The following SEC14L5 variants were observed in gnomAD, a reference collection of about 807,000 sequenced individuals.
SEC14L5 encodes SEC14-like protein 5.
In SEC14L5, 96 loss-of-function variants were observed where a neutral mutation model predicts 84.6. That is an observed-to-expected ratio of 1.13 (90% CI 0.96 to 1.34). SEC14L5 has a LOEUF of 1.34. SEC14L5 is among the 40% of genes most tolerant of loss of function. The pLI is 0.00. For missense variants in SEC14L5, 1,224 were observed against 942.5 expected (o/e 1.30, Z -3.91); for synonymous variants, 546 against 383.4 (o/e 1.42, Z -4.95).
intron 14 of SEC14L5, chr16:5,010,879 T>G: frequency 9.3e-6 from 5 of 535,374 alleles, no homozygotes; most frequent in Non-Finnish European, 6.6e-6. Context: ...CCTCCCCAGA[T>G]TAAGAGGGAG....
At chr16:4,964,949 TCG>T (rs1955178870) in intron 2 of SEC14L5, among the ~76,000 whole-genome samples, 1 of 151,756 alleles carries the variant, frequency 6.6e-6, no homozygotes, top group African/African-American at 2.4e-5. Flanking sequence ...CAGGCTGGTC[TCG>T]AACTCCTGGC....
At chr16:4,959,781 T>C (rs1445821172) in intron 2 of SEC14L5, among the ~76,000 whole-genome samples, 1 of 152,186 alleles carries the variant, frequency 6.6e-6, no homozygotes, top group Non-Finnish European at 1.5e-5. Flanking sequence ...TAACAGATGA[T>C]GTTTCTTCCA....
At chr16:4,978,013 G>C (rs1420244407) in intron 2 of SEC14L5, among the ~76,000 whole-genome samples, 1 of 148,880 alleles carries the variant, frequency 6.7e-6, no homozygotes, top group East Asian at 2.0e-4. Context: ...TGTTGTCCAG[G>C]CTTGTCTTGA....
At position 4,990,911 on chromosome 16, in the gene SEC14L5, C is replaced by T. The variant is rs549135856; in HGVS notation, c.474+16C>T. ...CGTCAAGAGGGTAAGCGGTGGGTTG[C>T]GTTAGTTACTGGAGGAAGGTGCACA... is the stretch of plus-strand genomic sequence containing the variant. On this transcript the variant is annotated intron_variant, in intron 5 of 15. Coordinates refer to ENST00000251170, the MANE Select transcript of SEC14L5 (RefSeq NM_014692.2). 1.6e-5 allele frequency: 25 copies of T among 1,552,264 alleles called. No homozygotes were observed. Among genetic ancestry groups the T allele is most frequent in the South Asian group, 1.1e-4 (9 of 82,686 alleles).
intron 1 of SEC14L5, among the ~76,000 whole-genome samples, chr16:4,958,960 T>C (rs868135381): frequency 2.6e-5 from 4 of 151,482 alleles, no homozygotes; most frequent in African/African-American, 4.8e-5. Flanking sequence ...AGTGTAAGAA[T>C]TGCAAATGTG....
intron 12 of SEC14L5, 91 bp from the exon 13 acceptor site, chr16:5,007,261 G>C: frequency 8.1e-7 from 1 of 1,240,706 alleles, no homozygotes; most frequent in Non-Finnish European, 1.1e-6. Context: ...AATTATGAGT[G>C]GCTTTGGGGG....
chr16:4,984,222 C>G (rs1452241844), intron 2 of SEC14L5, among the ~76,000 whole-genome samples: 1 of 152,210 alleles, frequency 6.6e-6, no homozygotes, highest in Admixed American at 6.5e-5. Context: ...CTGGCAACCA[C>G]TAATCTACTT....
rs1211049839 is a variant in SEC14L5, at chr16:5,003,404, C to G, written c.1133C>G (p.Ser378Cys). 9 of 1,612,428 alleles carry G rather than the reference C, an allele frequency of 5.6e-6. No individual in the cohort carries two copies. Among genetic ancestry groups the G allele is most frequent in the Non-Finnish European group, 7.6e-6 (9 of 1,179,598 alleles). Residue 378 changes from serine (S) to cysteine (C), a missense_variant and splice_region_variant, in exon 11 of 16, where the codon TCC becomes TGC. Transcript: ENST00000251170. ...STRQLGRPIS[S>C]WTCLLDLEGL... ...AGCTGGGGCTATTTCTGCCACAGCT[C>G]CTGGACCTGCCTGCTAGACCTGGAG...
In SEC14L5 at chr16:4,974,357, A is replaced by C. The variant is rs973302008; in HGVS notation, c.64-13200A>C. Reference sequence around the variant, plus strand: ...GCTGGGACCACAGGCACGCACCATCATGCCTGCCTAGTTTTTTATTTTTAT... The same window carrying C: ...GCTGGGACCACAGGCACGCACCATCCTGCCTGCCTAGTTTTTTATTTTTAT... On this transcript the variant is annotated intron_variant, in intron 2 of 15. Coordinates refer to ENST00000251170, the MANE Select transcript of SEC14L5 (RefSeq NM_014692.2). Among the ~76,000 whole-genome samples the C allele has an allele frequency of 3.3e-5, 5 of 151,852 alleles. No individual in the cohort carries two copies. The East Asian group carries it at 7.8e-4, about 24-fold the overall frequency.
rs1238080511 is a variant in SEC14L5, at chr16:4,987,437, C to A, written c.64-120C>A. 4 of 800,926 alleles carry A rather than the reference C, an allele frequency of 5.0e-6. No individual in the cohort carries two copies. The African/African-American group carries it at 5.6e-5, about 11-fold the overall frequency. 49.6% of individuals were successfully genotyped at this position (800,926 alleles called of 1,614,324 possible). ...AATGACGGCAAAATCCCTGCCCCTT[C>A]CAGTGGCCAGGGCTGCCTTTCCCGT... On this transcript the variant is annotated intron_variant, in intron 2 of 15. Coordinates refer to ENST00000251170, the MANE Select transcript of SEC14L5 (RefSeq NM_014692.2).
intron 2 of SEC14L5, among the ~76,000 whole-genome samples, chr16:4,965,954 A>C (rs572995714): frequency 6.6e-6 from 1 of 152,218 alleles, no homozygotes; most frequent in Admixed American, 6.5e-5. Flanking sequence ...AGGCAGGAGG[A>C]TCACTTGAGC....
chr16:5,008,773 A>T, intron 14 of SEC14L5, 125 bp downstream of exon 14: 1 of 797,522 alleles, frequency 1.3e-6, no homozygotes, highest in Non-Finnish European at 2.0e-6. Context: ...GGGACCCTGC[A>T]GGACAGGGCA....
At chr16:5,007,112 C>T (rs543671965) in intron 12 of SEC14L5, among the ~76,000 whole-genome samples, 1 of 152,222 alleles carries the variant, frequency 6.6e-6, no homozygotes, top group Non-Finnish European at 1.5e-5. Flanking sequence ...GCTGTGTGAT[C>T]GTGGGCGAGT....
intron 2 of SEC14L5, among the ~76,000 whole-genome samples, chr16:4,980,046 G>A (rs553729610): frequency 3.3e-5 from 5 of 152,140 alleles, no homozygotes; most frequent in African/African-American, 4.8e-5. Flanking sequence ...AGGCTCATGC[G>A]CCAATCCCAC....
chr16:5,008,925 C>T (rs1249474028), intron 14 of SEC14L5, among the ~76,000 whole-genome samples: 1 of 152,196 alleles, frequency 6.6e-6, no homozygotes, highest in Non-Finnish European at 1.5e-5. Flanking sequence ...ACCTGAGTTT[C>T]CCCATCTGGG....
In SEC14L5 at chr16:5,003,520, G is replaced by C. The variant is rs201237795; in HGVS notation, c.1249G>C (p.Gly417Arg). The C allele has an allele frequency of 5.6e-6, 9 of 1,612,660 alleles. No individual in the cohort carries two copies. The African/African-American group carries it at 1.1e-4, about 19-fold the overall frequency. The change falls in exon 11 of 16, where the codon GGT (glycine) becomes CGT (arginine). Residue 417 changes from glycine (G) to arginine (R), a missense_variant. Coordinates refer to ENST00000251170, the MANE Select transcript of SEC14L5 (RefSeq NM_014692.2). ...TGAGGACAATTACCCAGAGACCCTG[G>C]GTCGGCTGCTCATCGTGCGAGCCCC... ...VVEDNYPETL[G>R]RLLIVRAPRV...
At chr16:4,985,153 T>G (rs1955469744) in intron 2 of SEC14L5, among the ~76,000 whole-genome samples, 1 of 152,138 alleles carries the variant, frequency 6.6e-6, no homozygotes, top group South Asian at 2.1e-4. Flanking sequence ...TTCATAAAGA[T>G]TTATTCATAT....
Position 5,015,052 on chromosome 16 carries a change from C to T in SEC14L5, c.*82C>T. 3 of 1,128,102 alleles carry T rather than the reference C, an allele frequency of 2.7e-6. No individual in the cohort carries two copies. Among genetic ancestry groups the T allele is most frequent in the Non-Finnish European group, 3.9e-6 (3 of 773,528 alleles). 69.9% of individuals were successfully genotyped at this position (1,128,102 alleles called of 1,614,324 possible). A position where few individuals can be genotyped will look rare whatever the true frequency, so the allele number is the denominator to read the frequency against. On this transcript the variant is annotated 3_prime_UTR_variant, in exon 16 of 16. Transcript: ENST00000251170. ...ATGAGAAGCCAGCTAACTGCAGGGC[C>T]TGGGACCATGTGGGCTGGAGCCCCA...
At chr16:4,995,687 T>C (rs988065697) in intron 6 of SEC14L5, among the ~76,000 whole-genome samples, 1 of 149,170 alleles carries the variant, frequency 6.7e-6, no homozygotes, top group African/African-American at 2.5e-5. Flanking sequence ...AGTGCAGTGG[T>C]GCAATCTTGG....
Sources: gnomAD v4.1 joint callset for allele counts (sites outside exome capture counted in the v4.1 genomes callset) on GRCh38, gnomAD v4.1.1 for gene constraint, MANE v1.5 for transcripts, NCBI Gene and HGNC (gene_info 2026-07-23, HGNC 2026-07-21) for gene names.